The following VMP1 variants were observed in gnomAD, a reference collection of about 807,000 sequenced individuals.
The protein encoded by VMP1 is vacuole membrane protein 1, also known as ectopic P-granules autophagy protein 3 homolog.
In VMP1, 11 loss-of-function variants were observed where a neutral mutation model predicts 56.0. The ratio of observed to expected loss-of-function variants is 0.20; its 90% CI spans 0.12 to 0.32. The LOEUF (loss-of-function observed/expected upper bound fraction) is 0.32. Among genes scored for constraint, VMP1 ranks in the 10% least tolerant of loss-of-function variants. The probability of loss-of-function intolerance (pLI) is 1.00; values close to 1 mark genes in which losing one functional copy is unlikely to be tolerated. For synonymous variants in VMP1, 149 were observed against 165.0 expected (o/e 0.90, Z 0.74); for missense variants, 296 against 490.3 (o/e 0.60, Z 3.74).
intron 7 of VMP1, among the ~76,000 whole-genome samples, chr17:59,804,266 A>T (rs2037771289): frequency 6.6e-6 from 1 of 152,196 alleles, no homozygotes; most frequent in Admixed American, 6.5e-5. Flanking sequence ...TAAAATTATT[A>T]CATAAAGCTG....
intron 3 of VMP1, among the ~76,000 whole-genome samples, chr17:59,736,799 T>C (rs2035035050): frequency 6.7e-6 from 1 of 149,770 alleles, no homozygotes; most frequent in Admixed American, 6.7e-5. Flanking sequence ...TCCCAGCACT[T>C]TGAGGGGCCG....
intron 7 of VMP1, among the ~76,000 whole-genome samples, chr17:59,801,687 G>A (rs531913869): frequency 9.2e-5 from 14 of 152,114 alleles, no homozygotes; most frequent in Non-Finnish European, 1.9e-4. Context: ...CTGAGGTTAG[G>A]AGTTCAAGAC....
chr17:59,792,518 T>C (rs1320200248), intron 7 of VMP1, among the ~76,000 whole-genome samples: 2 of 152,134 alleles, frequency 1.3e-5, no homozygotes, highest in South Asian at 4.1e-4. Context: ...TTATGTTTTA[T>C]ACATAGCAGA....
At chr17:59,803,231 ATCTT>A (rs758244151) in intron 7 of VMP1, among the ~76,000 whole-genome samples, 1 of 152,222 alleles carries the variant, frequency 6.6e-6, no homozygotes, top group Admixed American at 6.5e-5. Context: ...AATCATAAAT[ATCTT>A]TCTTAAGAAA....
At chr17:59,730,578 T>C (rs1270713512) in intron 1 of VMP1, among the ~76,000 whole-genome samples, 1 of 152,264 alleles carries the variant, frequency 6.6e-6, no homozygotes, top group Non-Finnish European at 1.5e-5. Flanking sequence ...GTTGTCTTTT[T>C]ATAAGTGTCT....
intron 7 of VMP1, among the ~76,000 whole-genome samples, chr17:59,796,152 G>C (rs2037431594): frequency 6.6e-6 from 1 of 151,942 alleles, no homozygotes; most frequent in African/African-American, 2.4e-5. Flanking sequence ...CCCTAAATTA[G>C]GTATCTCCCA....
At position 59,817,772 on chromosome 17, in the gene VMP1, G is replaced by T; in HGVS notation, c.973G>T (p.Gly325Cys). 6.2e-7 allele frequency: 1 copy of T among 1,604,958 alleles called. No individual in the cohort carries two copies. Among genetic ancestry groups the T allele is most frequent in the Non-Finnish European group, 8.5e-7 (1 of 1,175,146 alleles). The change falls in exon 10 of 12, where the codon GGT becomes TGT. Residue 325 changes from glycine (G) to cysteine (C), a missense_variant and splice_region_variant. Physicochemically the swap from Gly to Cys is radical, Grantham distance 159. Transcript: ENST00000262291. Reference sequence around the variant, plus strand: ...AGTGGAGCAAATGGTGGCTTTCATTGGGTAAGTAATTCTTCAAGGACTAAT... The same window carrying T: ...AGTGGAGCAAATGGTGGCTTTCATTTGGTAAGTAATTCTTCAAGGACTAAT... ...HIVEQMVAFI[G>C]AVPGIGPSLQ...
intron 3 of VMP1, among the ~76,000 whole-genome samples, chr17:59,735,917 T>C (rs1313402299): frequency 6.6e-6 from 1 of 152,222 alleles, no homozygotes; most frequent in Admixed American, 6.5e-5. Context: ...ATTTAGTACT[T>C]GTAAGCCCTG....
intron 5 of VMP1, among the ~76,000 whole-genome samples, chr17:59,740,106 TAAGAG>T (rs1004581673): frequency 2.7e-5 from 4 of 149,202 alleles, no homozygotes; most frequent in Non-Finnish European, 5.9e-5. Flanking sequence ...GAAAAAGAAA[TAAGAG>T]AGAATGAAGA....
At chr17:59,800,363 T>G (rs796290173) in intron 7 of VMP1, among the ~76,000 whole-genome samples, 13 of 152,364 alleles carry the variant, frequency 8.5e-5, no homozygotes, top group African/African-American at 2.9e-4. Flanking sequence ...TGACAAGTCA[T>G]TCCATTTCTG....
intron 2 of VMP1, among the ~76,000 whole-genome samples, chr17:59,733,738 C>A (rs565703864): frequency 6.6e-6 from 1 of 152,176 alleles, no homozygotes; most frequent in South Asian, 2.1e-4. Context: ...TTTGTAATTT[C>A]AATAGATGGT....
At position 59,811,795 on chromosome 17, in the gene VMP1, AC is replaced by A; in HGVS notation, c.912+14del. The A allele has an allele frequency of 6.5e-7, 1 of 1,541,396 alleles. No individual in the cohort carries two copies. The highest frequency in any genetic ancestry group is 9.0e-7 in the Non-Finnish European group (1 of 1,114,110). ...TAAAAATGCATATCCAGGTAATTAT[AC>A]CCCCTGATTCACTGCCTAATGATGA... On this transcript the variant is annotated intron_variant, in intron 9 of 11. Transcript: ENST00000262291.
intron 1 of VMP1, among the ~76,000 whole-genome samples, chr17:59,725,570 G>T (rs938433072): frequency 6.6e-6 from 1 of 151,230 alleles, no homozygotes; most frequent in African/African-American, 2.4e-5. Context: ...AAAAAAAAGG[G>T]TTTTGATGCT....
intron 10 of VMP1, among the ~76,000 whole-genome samples, chr17:59,819,300 T>C (rs1168913485): frequency 6.6e-6 from 1 of 152,148 alleles, no homozygotes; most frequent in Non-Finnish European, 1.5e-5. Context: ...CCCTTATTTT[T>C]TATTTATTTA....
At chr17:59,750,057 G>A (rs186275068) in intron 5 of VMP1, among the ~76,000 whole-genome samples, 2 of 151,962 alleles carry the variant, frequency 1.3e-5, no homozygotes, top group Non-Finnish European at 1.5e-5. Context: ...AAAATAATTC[G>A]ACTTCTTTTA....
At chr17:59,786,768 AC>A (rs1205523745) in intron 7 of VMP1, among the ~76,000 whole-genome samples, 1 of 152,160 alleles carries the variant, frequency 6.6e-6, no homozygotes, top group East Asian at 1.9e-4. Flanking sequence ...CTTTGCAGTA[AC>A]TGTTATGGTT....
intron 5 of VMP1, among the ~76,000 whole-genome samples, chr17:59,763,349 TA>T (rs1384759479): frequency 6.6e-6 from 1 of 152,106 alleles, no homozygotes; most frequent in African/African-American, 2.4e-5. Context: ...TGGTTAATCA[TA>T]AGTTTTCAAA....
At chr17:59,820,980 T>G (rs1339475555) in intron 10 of VMP1, among the ~76,000 whole-genome samples, 3 of 150,778 alleles carry the variant, frequency 2.0e-5, no homozygotes, top group Admixed American at 6.6e-5. Context: ...TTTTGTTTTT[T>G]TTTTTTTTGT....
intron 5 of VMP1, among the ~76,000 whole-genome samples, chr17:59,740,865 G>C (rs1459395991): frequency 1.3e-5 from 2 of 152,150 alleles, no homozygotes; most frequent in East Asian, 3.9e-4. Context: ...TAATTAATTT[G>C]GAAGCCTCTG....
Sources: allele counts gnomAD v4.1 joint callset (sites outside exome capture counted in the v4.1 genomes callset), GRCh38; gene constraint gnomAD v4.1.1; transcripts MANE v1.5; gene names NCBI Gene and HGNC (gene_info 2026-07-23, HGNC 2026-07-21).